The following TTN variants were observed in gnomAD, a reference collection of about 807,000 sequenced individuals.
TTN encodes connectin.
In TTN, 1,525 loss-of-function variants were observed where a neutral mutation model predicts 3,223.0. That is an observed-to-expected ratio of 0.47 (90% confidence interval 0.45 to 0.49). TTN has a LOEUF of 0.49. TTN is among the 20% of genes least tolerant of loss of function. The pLI, the probability that TTN is intolerant of heterozygous loss-of-function variation, is 0.00. For synonymous variants in TTN, 14,094 were observed against 15,161.0 expected (o/e 0.93, Z 5.17); for missense variants, 40,786 against 43,424.0 (o/e 0.94, Z 5.40).
At chr2:178,792,219 A>G in intron 9 of TTN, 22 bp from the exon 10 acceptor site, 1 of 1,595,418 alleles carries the variant, frequency 6.3e-7, no homozygotes, top group Non-Finnish European at 8.5e-7. Context: ...GATTTAAGAA[A>G]AAACTTTATT....
intron 156 of TTN, 66 bp from the exon 157 acceptor site, chr2:178,670,361 G>T: frequency 1.1e-6 from 1 of 950,950 alleles, no homozygotes; most frequent in South Asian, 2.6e-5. Flanking sequence ...AGCAGAGCAT[G>T]AGAGATATAA....
Position 178,671,766 on chromosome 2 carries a change from T to G in TTN, c.35227+205A>C, listed in dbSNP as rs193144432. 2.0e-5 allele frequency among the ~76,000 whole-genome samples: 3 copies of G among 151,908 alleles called. No individual in the cohort carries two copies. The East Asian group carries it at 5.8e-4, about 29-fold the overall frequency. On this transcript the variant is annotated intron_variant, in intron 155 of 362. Coordinates refer to ENST00000589042, the MANE Select transcript of TTN (RefSeq NM_001267550.2). Reference sequence around the variant, plus strand: ...AAATTCATACAGTGACCTCCTTAGATAAGTAGATATCAAATATTACTATCA... The same window carrying G: ...AAATTCATACAGTGACCTCCTTAGAGAAGTAGATATCAAATATTACTATCA...
In TTN at chr2:178,696,261, T is replaced by C. The variant is rs182720979; in HGVS notation, c.30811A>G (p.Ile10271Val). 2.4e-5 allele frequency: 37 copies of C among 1,536,484 alleles called. 2 individuals are homozygous for C. The Admixed American group carries it at 5.9e-4, about 24-fold the overall frequency. Residue 10271 changes from isoleucine (I) to valine (V), a missense_variant, in exon 114 of 363, where the codon ATC becomes GTC. By Grantham distance (29) the Ile-to-Val change is conservative. Coordinates refer to ENST00000589042, the MANE Select transcript of TTN (RefSeq NM_001267550.2). ...TCAGCTTTAGAGGATACATCAATGATTTCAGGAGCTAAAATAGATAAAGAT... is the reference window on the plus strand; with the variant it reads ...TCAGCTTTAGAGGATACATCAATGACTTCAGGAGCTAAAATAGATAAAGAT... ...TTLIPAKAPE[I>V]IDVSSKAEEV...
In TTN at chr2:178,742,184, C is replaced by T. The variant is rs16866485; in HGVS notation, c.11312-263G>A. On this transcript the variant is annotated intron_variant, in intron 47 of 362. Coordinates refer to ENST00000589042, the MANE Select transcript of TTN (RefSeq NM_001267550.2). ...ATAGAGTTCATGTTTTAAAAATGCT[C>T]TCATGAGTTTTTCTTGAGATATAAT... 0.022 allele frequency among the ~76,000 whole-genome samples: 3,284 copies of T among 152,134 alleles called. 125 individuals are homozygous for T. Among genetic ancestry groups the T allele is most frequent in the African/African-American group, 0.075 (3,127 of 41,526 alleles).
At position 178,776,460 on chromosome 2, in the gene TTN, C is replaced by T. The variant is rs749773203; in HGVS notation, c.5404G>A (p.Glu1802Lys). 3.1e-6 allele frequency: 5 copies of T among 1,608,386 alleles called. No individual in the cohort carries two copies. The highest frequency in any genetic ancestry group is 1.7e-5 in the Admixed American group (1 of 60,016). ...LIVKDEKSLV[E>K]ESQLPEGRKG... ...CTCCCCTCAGGCAATTGGGATTCTTCCACAAGACTTTTCTCATCTTTAACA... is the reference window on the plus strand; with the variant it reads ...CTCCCCTCAGGCAATTGGGATTCTTTCACAAGACTTTTCTCATCTTTAACA... The change falls in exon 28 of 363, where the codon GAA becomes AAA. Residue 1802 changes from glutamate to lysine, a missense_variant. By Grantham distance (56) the Glu-to-Lys change is moderately conservative. Coordinates refer to ENST00000589042, the MANE Select transcript of TTN (RefSeq NM_001267550.2).
chr2:178,775,561 G>T lies in TTN; in HGVS notation c.6303C>A (p.Val2101=), dbSNP rs937168906. Residue 2101 remains valine (V), a synonymous_variant, in exon 28 of 363, where the codon GTC becomes GTA. Coordinates refer to ENST00000589042, the MANE Select transcript of TTN (RefSeq NM_001267550.2). The part of the protein sequence containing the change: ...QGSDAHFRVR[V]VGKPDPECEW... ...CACATTCGGGGTCTGGTTTCCCCAC[G>T]ACTCTGACCCGGAAGTGTGCATCAG... 6.2e-7 allele frequency: 1 copy of T among 1,613,986 alleles called. No individual in the cohort carries two copies. The highest frequency in any genetic ancestry group is 8.5e-7 in the Non-Finnish European group (1 of 1,179,980).
chr2:178,618,981 C>G, intron 250 of TTN, 128 bp from the exon 251 acceptor site: 11 of 1,293,322 alleles, frequency 8.5e-6, no homozygotes, highest in Non-Finnish European at 1.1e-5. Flanking sequence ...AACTTTATAG[C>G]AGAGAAAACT....
At chr2:178,707,326 G>A (rs770936516) in intron 100 of TTN, among the ~76,000 whole-genome samples, 200 bp downstream of exon 100, 2 of 152,196 alleles carry the variant, frequency 1.3e-5, no homozygotes, top group Non-Finnish European at 2.9e-5. Context: ...TAAACTTGTA[G>A]TAATTTCAGA....
chr2:178,804,418 C>T, intron 2 of TTN, 134 bp downstream of exon 2: 2 of 795,114 alleles, frequency 2.5e-6, no homozygotes, highest in Non-Finnish European at 4.3e-6. Context: ...CTTAAAATGA[C>T]CTTTCCATAG....
In TTN at chr2:178,575,263, A is replaced by G; in HGVS notation, c.70869T>C (p.Ile23623=). 1 of 1,613,328 alleles carries G rather than the reference A, an allele frequency of 6.2e-7. No homozygotes were observed. The highest frequency in any genetic ancestry group is 8.5e-7 in the Non-Finnish European group (1 of 1,179,578). The change falls in exon 326 of 363, where the codon ATT becomes ATC. Residue 23623 remains isoleucine (I), a synonymous_variant. Transcript: ENST00000589042. This position sits in a 1 kb window ranked among gnomAD's most constrained non-coding sequence, Gnocchi z 4.0. ...RSAPRESRPV[I]VKEQTMLPEL... The stretch of plus-strand genomic sequence containing the variant: ...CTGGAAGCATTGTCTGCTCCTTGAC[A>G]ATGACGGGTCTGCTTTCTCTAGGGG...
chr2:178,769,420 A>AT (rs370187677), intron 37 of TTN, among the ~76,000 whole-genome samples: 53 of 146,142 alleles, frequency 3.6e-4, no homozygotes, highest in South Asian at 2.4e-3. Context: ...TGCCCAGCTA[A>AT]TTTTTTTTTT....
intron 130 of TTN, 35 bp from the exon 131 acceptor site, chr2:178,684,784 G>A (rs756539222): frequency 4.5e-5 from 71 of 1,594,344 alleles, no homozygotes; most frequent in East Asian, 1.3e-4. Flanking sequence ...TCAAACATAC[G>A]ATATGGAAAA....
chr2:178,607,359 C>CATA, intron 277 of TTN, 42 bp downstream of exon 277: 2 of 1,612,522 alleles, frequency 1.2e-6, no homozygotes, highest in Non-Finnish European at 1.7e-6. Flanking sequence ...AAGATAGTAT[C>CATA]ACTTGGGAAA....
At chr2:178,791,557 G>T (rs1365717862) in intron 10 of TTN, among the ~76,000 whole-genome samples, 1 of 151,996 alleles carries the variant, frequency 6.6e-6, no homozygotes, top group East Asian at 1.9e-4. Context: ...ACCGTGAATT[G>T]AAGGAATTTT....
rs368617941 is a variant in TTN, at chr2:178,614,814, C to G, written c.48760+33G>C. 1.3e-5 allele frequency: 20 copies of G among 1,587,612 alleles called. No individual in the cohort carries two copies. The African/African-American group carries it at 2.4e-4, about 19-fold the overall frequency. ...TTCAAGCAGATTTAAGGTCAGAGGC[C>G]TATTTGATAAGACAAAAATCAAAAA... On this transcript the variant is annotated intron_variant, in intron 260 of 362. Transcript: ENST00000589042.
intron 113 of TTN, among the ~76,000 whole-genome samples, chr2:178,696,566 A>C (rs1159239029): frequency 6.6e-6 from 1 of 151,892 alleles, no homozygotes; most frequent in Non-Finnish European, 1.5e-5. Flanking sequence ...CAGAACCCCT[A>C]GTTTCTTCCA....
Position 178,571,801 on chromosome 2 carries a change from G to A in TTN, c.74331C>T (p.Asp24777=), listed in dbSNP as rs368530092. The change falls in exon 326 of 363, where the codon GAC becomes GAT. Residue 24777 remains aspartate, a synonymous_variant. Coordinates refer to ENST00000589042, the MANE Select transcript of TTN (RefSeq NM_001267550.2). The part of the protein sequence containing the change: ...TENNSLLTIK[D]ACREDVGHYV... ...AATGGCCAACATCTTCTCGGCAGGC[G>A]TCCTTTATTGTCAGTAGTGAATTAT... 40 of 1,613,312 alleles carry A rather than the reference G, an allele frequency of 2.5e-5. No homozygotes were observed. The highest frequency in any genetic ancestry group is 3.3e-4 in the Middle Eastern group (2 of 6,072).
rs952158828 is a variant in TTN, at chr2:178,589,047, C to A, written c.62678G>T (p.Gly20893Val). The A allele has an allele frequency of 1.9e-6, 3 of 1,609,280 alleles. No individual in the cohort carries two copies. Among genetic ancestry groups the A allele is most frequent in the Non-Finnish European group, 1.7e-6 (2 of 1,179,560 alleles). The part of the protein sequence containing the change: ...VCWDPPEDDG[G>V]CEIQNYILEK... ...TAGAATATAATTTTGGATTTCACAG[C>A]CACCATCATCTTCTGGTGGATCCCA... Residue 20893 changes from glycine (G) to valine (V), a missense_variant, in exon 304 of 363, where the codon GGC becomes GTC. Physicochemically the swap from Gly to Val is moderately radical, Grantham distance 109 (BLOSUM62 -3). Coordinates refer to ENST00000589042, the MANE Select transcript of TTN (RefSeq NM_001267550.2).
At position 178,557,649 on chromosome 2, in the gene TTN, G is replaced by C. The variant is rs1575584918; in HGVS notation, c.87705C>G (p.Tyr29235Ter). The C allele has an allele frequency of 6.2e-7, 1 of 1,613,722 alleles. No homozygotes were observed. The highest frequency in any genetic ancestry group is 1.1e-5 in the South Asian group (1 of 91,018). The change falls in exon 328 of 363, where the codon TAC becomes TAG. Residue 29235 changes from tyrosine to a stop codon, truncating the protein, a stop_gained and splice_region_variant. Coordinates refer to ENST00000589042, the MANE Select transcript of TTN (RefSeq NM_001267550.2). LOFTEE classifies it high-confidence loss of function. Reference protein sequence around the residue: ...DSACVTVKLPYTTPGPPSTPW... With the variant: ...DSACVTVKLP ...TCTTTGAAAAGTTGGACAACTTACT[G>C]TATGGTAGTTTGACAGTCACACAAG...
Sources: allele counts gnomAD v4.1 joint callset (sites outside exome capture counted in the v4.1 genomes callset), GRCh38; gene constraint gnomAD v4.1.1; non-coding constraint Gnocchi (gnomAD v3.1); transcripts MANE v1.5; gene names NCBI Gene and HGNC (gene_info 2026-07-23, HGNC 2026-07-21).